The following RASD2 variants were observed in gnomAD, a reference collection of about 807,000 sequenced individuals.
RASD2 encodes GTP-binding protein Rhes.
Under a neutral mutation model 15.8 loss-of-function variants are expected in RASD2, and 7 were observed. The observed-to-expected ratio is 0.44, with a 90% confidence interval of 0.25 to 0.83. The LOEUF (loss-of-function observed/expected upper bound fraction) is 0.83. Among genes scored for constraint, RASD2 ranks in the 40% least tolerant of loss-of-function variants. The pLI is 0.20. For missense variants in RASD2, 274 were observed against 382.8 expected, an observed-to-expected ratio of 0.72 and a Z score of 2.37; for synonymous variants, 155 against 153.6, an observed-to-expected ratio of 1.01 and a Z score of -0.07.
Position 35,541,516 on chromosome 22 carries a change from A to G in RASD2, c.-10+16A>G, listed in dbSNP as rs1252431537. 2 of 152,210 alleles carry G rather than the reference A, an allele frequency of 1.3e-5. No individual in the cohort carries two copies. Among genetic ancestry groups the G allele is most frequent in the African/African-American group, 4.8e-5 (2 of 41,442 alleles). The allele number at this position is 152,210 out of a possible 1,614,324, so 9.4% of individuals were successfully genotyped here. On this transcript the variant is annotated intron_variant, in intron 1 of 2. Transcript: ENST00000216127. ...CCATTCCCAGGTAGGAGACGCCCCA[A>G]CAGAGCTGGGCATCTGGGGGAAGTG...
the RASD2 span, among the ~76,000 whole-genome samples, chr22:35,534,433 T>C: frequency 2.0e-5 from 3 of 152,242 alleles, no homozygotes; most frequent in African/African-American, 7.2e-5. Flanking sequence ...CTAATAATGC[T>C]TCTCCACGTA....
chr22:35,540,396 A>G (rs1169558801), upstream of RASD2, among the ~76,000 whole-genome samples: 1 of 148,512 alleles, frequency 6.7e-6, no homozygotes, highest in African/African-American at 2.5e-5. Flanking sequence ...CGCGAAAGGG[A>G]TGGGCGGGGC....
chr22:35,540,084 G>A (rs921933741), upstream of RASD2, among the ~76,000 whole-genome samples: 18 of 152,358 alleles, frequency 1.2e-4, no homozygotes, highest in African/African-American at 3.6e-4. Context: ...GGGAGGCGGC[G>A]GCTGGGACAG....
At chr22:35,541,861 T>C (rs890930073) in intron 1 of RASD2, among the ~76,000 whole-genome samples, 11 of 152,058 alleles carry the variant, frequency 7.2e-5, no homozygotes, top group African/African-American at 2.7e-4. Flanking sequence ...GGAAGACGAG[T>C]CAACTACCAC....
chr22:35,549,356 C>T (rs1934599757), intron 2 of RASD2, among the ~76,000 whole-genome samples: 1 of 152,184 alleles, frequency 6.6e-6, no homozygotes, highest in African/African-American at 2.4e-5. Flanking sequence ...CATTTTCCAA[C>T]CTGGTGGAAC....
intron 1 of RASD2, among the ~76,000 whole-genome samples, chr22:35,545,507 C>G (rs575627130): frequency 6.6e-6 from 1 of 152,202 alleles, no homozygotes; most frequent in African/African-American, 2.4e-5. Flanking sequence ...CCCAGCCATG[C>G]GCCTTGTGCA....
intron 2 of RASD2, among the ~76,000 whole-genome samples, chr22:35,547,620 T>C (rs986559072): frequency 3.9e-5 from 6 of 152,192 alleles, no homozygotes; most frequent in African/African-American, 1.2e-4. Context: ...GAGCTTGGCA[T>C]GTAGTTTTTT....
In RASD2 at chr22:35,552,298, CAA is replaced by C; in HGVS notation, c.*267_*268del. On this transcript the variant is annotated 3_prime_UTR_variant, in exon 3 of 3. Transcript: ENST00000216127. Reference sequence around the variant, plus strand: ...CAGCCTCAAGAGTTAGGCAGAGACTCAAGTTACACCTTCCTCTCCTGGGGTTG... The same window carrying C: ...CAGCCTCAAGAGTTAGGCAGAGACTCGTTACACCTTCCTCTCCTGGGGTTG... The C allele has an allele frequency of 1.9e-6, 1 of 527,516 alleles. No individual in the cohort carries two copies. The highest frequency in any genetic ancestry group is 3.4e-6 in the Non-Finnish European group (1 of 297,666). The allele number at this position is 527,516 out of a possible 1,614,324, so 32.7% of individuals were successfully genotyped here.
At chr22:35,542,211 G>A (rs1036787848) in intron 1 of RASD2, among the ~76,000 whole-genome samples, 14 of 152,190 alleles carry the variant, frequency 9.2e-5, no homozygotes, top group Non-Finnish European at 1.9e-4. Context: ...CAAGCCTCCT[G>A]TGGTGTCAGA....
intron 2 of RASD2, 56 bp downstream of exon 2, chr22:35,547,136 T>A: frequency 6.5e-7 from 1 of 1,540,464 alleles, no homozygotes; most frequent in East Asian, 2.3e-5. Context: ...GGGTGCGGAG[T>A]GTGCTGGGCA....
the RASD2 span, among the ~76,000 whole-genome samples, chr22:35,533,212 C>T: frequency 2.0e-5 from 3 of 152,348 alleles, no homozygotes; most frequent in East Asian, 3.9e-4. Flanking sequence ...GCCATGGAAC[C>T]TTTGCTGCTT....
intron 2 of RASD2, among the ~76,000 whole-genome samples, chr22:35,547,466 C>T (rs1320340576): frequency 6.6e-6 from 1 of 152,178 alleles, no homozygotes; most frequent in East Asian, 1.9e-4. Context: ...TCTCCCACAC[C>T]CCAGGCCTTT....
intron 1 of RASD2, among the ~76,000 whole-genome samples, chr22:35,543,003 A>G (rs944231217): frequency 2.6e-5 from 4 of 152,134 alleles, no homozygotes; most frequent in African/African-American, 9.7e-5. Flanking sequence ...GGAAAAGACC[A>G]GTTTTGGCTG....
At chr22:35,538,742 C>T (rs1218711151), upstream of RASD2, among the ~76,000 whole-genome samples, 3 of 152,212 alleles carry the variant, frequency 2.0e-5, no homozygotes, top group African/African-American at 7.2e-5. Context: ...GGGCCGTCTG[C>T]TACATTTCCG....
intron 1 of RASD2, among the ~76,000 whole-genome samples, chr22:35,545,198 G>T (rs975842746): frequency 2.0e-5 from 3 of 152,186 alleles, no homozygotes; most frequent in Non-Finnish European, 2.9e-5. Flanking sequence ...TGGTAGTTGG[G>T]CAGGGTGAGC....
rs750473458 is a variant in RASD2 at position 35,546,832 on chromosome 22, G to T, written c.23G>T (p.Gly8Val). MMKTLSS[G>V]NCTLSVPAKN... ...GCCATGATGAAGACTTTGTCCAGCG[G>T]GAACTGCACGCTCAGTGTGCCCGCC... Residue 8 changes from glycine (G) to valine (V), a missense_variant, in exon 2 of 3, where the codon GGG becomes GTG. Transcript: ENST00000216127. 1 of 1,613,816 alleles carries T rather than the reference G, an allele frequency of 6.2e-7. No homozygotes were observed. The highest frequency in any genetic ancestry group is 1.7e-5 in the Admixed American group (1 of 60,002).
rs1319022243 is a variant in RASD2, at chr22:35,551,483, C to G, written c.272-20C>G. ...TTGCAGCTGGCCGGTGAACTCACTA[C>G]CTGGGCTCTCTCCCTGCAGGGGATG... On this transcript the variant is annotated intron_variant, in intron 2 of 2. Transcript: ENST00000216127. The surrounding 1 kb of genome is among the most constrained non-coding windows in gnomAD (Gnocchi z 4.9). 6.3e-7 allele frequency: 1 copy of G among 1,598,646 alleles called. No homozygotes were observed. The highest frequency in any genetic ancestry group is 8.6e-7 in the Non-Finnish European group (1 of 1,168,062).
upstream of RASD2, among the ~76,000 whole-genome samples, chr22:35,536,408 C>T (rs866038377): frequency 6.6e-6 from 1 of 151,952 alleles, no homozygotes; most frequent in African/African-American, 2.4e-5. Context: ...TCACTGCAAG[C>T]TCCGCCTCCA....
chr22:35,550,963 T>C (rs546597291), intron 2 of RASD2, among the ~76,000 whole-genome samples: 96 of 152,350 alleles, frequency 6.3e-4, no homozygotes, highest in African/African-American at 2.2e-3. Flanking sequence ...CCACTGTCCA[T>C]TCATTATCTT....
Sources: gnomAD v4.1 joint callset for allele counts (sites outside exome capture counted in the v4.1 genomes callset) on GRCh38, gnomAD v4.1.1 for gene constraint, Gnocchi (gnomAD v3.1) non-coding constraint, MANE v1.5 for transcripts, NCBI Gene and HGNC (gene_info 2026-07-23, HGNC 2026-07-21) for gene names.